SLC4A10: variants seen among roughly 807,000 people sequenced by gnomAD.
SLC4A10 encodes the protein sodium-driven chloride bicarbonate exchanger.
In SLC4A10, 42 loss-of-function variants were observed where a neutral mutation model predicts 137.7. The observed-to-expected ratio is 0.30, with a 90% CI of 0.24 to 0.39. The LOEUF is 0.39. SLC4A10 is among the 10% of genes least tolerant of loss of function. SLC4A10 has a pLI of 1.00. For missense variants in SLC4A10, 925 were observed against 1,355.0 expected (o/e 0.68, Z 4.98); for synonymous variants, 474 against 464.1 (o/e 1.02, Z -0.27).
Position 161,657,898 on chromosome 2 carries a change from T to C in SLC4A10, c.48+33332T>C, listed in dbSNP as rs546017259. Among the ~76,000 whole-genome samples, 18 of 152,278 alleles carry C rather than the reference T, an allele frequency of 1.2e-4. No individual in the cohort carries two copies. In the East Asian group the frequency reaches 3.3e-3, roughly 28 times the overall value. On this transcript the variant is annotated intron_variant, in intron 1 of 26. Coordinates refer to ENST00000446997, the MANE Select transcript of SLC4A10 (RefSeq NM_001178015.2). Reference sequence around the variant, plus strand: ...AGTTAAATTACAACATACCAAATTATAATAGACCAATATGCAATTATAATT... The same window carrying C: ...AGTTAAATTACAACATACCAAATTACAATAGACCAATATGCAATTATAATT...
chr2:161,707,576 C>T (rs1243918591), intron 1 of SLC4A10, among the ~76,000 whole-genome samples: 6 of 150,678 alleles, frequency 4.0e-5, no homozygotes, highest in Non-Finnish European at 7.4e-5. Flanking sequence ...TATATTAGAA[C>T]ACTTTATCAA....
intron 4 of SLC4A10, among the ~76,000 whole-genome samples, chr2:161,843,845 G>A (rs2059336940): frequency 1.3e-5 from 2 of 152,034 alleles, no homozygotes; most frequent in Admixed American, 1.3e-4. Context: ...CACCTGTCAC[G>A]TATCACATCT....
intron 1 of SLC4A10, among the ~76,000 whole-genome samples, chr2:161,696,925 G>C (rs1409146688): frequency 1.3e-5 from 2 of 152,150 alleles, no homozygotes; most frequent in African/African-American, 4.8e-5. Flanking sequence ...TCCACCAACA[G>C]TGTAAAAGTG....
chr2:161,826,508 T>C (rs2058029743), intron 3 of SLC4A10, among the ~76,000 whole-genome samples: 1 of 152,188 alleles, frequency 6.6e-6, no homozygotes, highest in Admixed American at 6.5e-5. Context: ...AGAAAGTGTC[T>C]AAAAAATAGA....
At chr2:161,872,994 G>A (rs1361433122) in intron 7 of SLC4A10, among the ~76,000 whole-genome samples, 10 of 152,144 alleles carry the variant, frequency 6.6e-5, no homozygotes, top group Non-Finnish European at 1.2e-4. Flanking sequence ...GATTACAGGC[G>A]TGAGCCACCC....
At chr2:161,891,815 T>C (rs1250685497) in intron 10 of SLC4A10, among the ~76,000 whole-genome samples, 1 of 152,032 alleles carries the variant, frequency 6.6e-6, no homozygotes, top group East Asian at 1.9e-4. Flanking sequence ...TCAAACTCAT[T>C]CTCCATCCAG....
chr2:161,793,174 A>G (rs111320354), intron 2 of SLC4A10, among the ~76,000 whole-genome samples: 15 of 152,148 alleles, frequency 9.9e-5, no homozygotes, highest in Admixed American at 5.2e-4. Flanking sequence ...ATTGACAGAT[A>G]AAATTGTATG....
intron 10 of SLC4A10, among the ~76,000 whole-genome samples, chr2:161,885,104 G>T (rs1044478220): frequency 1.1e-4 from 16 of 152,110 alleles, no homozygotes. Context: ...CTTGAACCTG[G>T]GAAGTGGAGA....
At chr2:161,811,818 A>G (rs1477069728) in intron 3 of SLC4A10, among the ~76,000 whole-genome samples, 1 of 152,090 alleles carries the variant, frequency 6.6e-6, no homozygotes, top group East Asian at 1.9e-4. Context: ...TTTATTTTCT[A>G]TTCCCTCTCA....
chr2:161,873,505 T>C (rs2061264961), intron 7 of SLC4A10, among the ~76,000 whole-genome samples: 1 of 114,238 alleles, frequency 8.8e-6, no homozygotes, highest in African/African-American at 3.5e-5. Flanking sequence ...CACTCCAGCC[T>C]GGGTGACAGA....
intron 1 of SLC4A10, among the ~76,000 whole-genome samples, chr2:161,635,116 G>A (rs551347483): frequency 3.3e-5 from 5 of 152,138 alleles, no homozygotes; most frequent in East Asian, 1.9e-4. Flanking sequence ...CCATGTCAAT[G>A]CAGTCTCTCT....
Position 161,658,731 on chromosome 2 carries a change from C to T in SLC4A10, c.48+34165C>T, listed in dbSNP as rs969941396. 2.0e-5 allele frequency among the ~76,000 whole-genome samples: 3 copies of T among 151,062 alleles called. No individual in the cohort carries two copies. The East Asian group carries it at 5.9e-4, about 30-fold the overall frequency. ...TCGGCCTCCCAGGTAACTGGGGTTA[C>T]AGGTGCATGCCACCATGCCCAGCTA... On this transcript the variant is annotated intron_variant, in intron 1 of 26. Transcript: ENST00000446997.
At chr2:161,658,879 C>T (rs563212311) in intron 1 of SLC4A10, among the ~76,000 whole-genome samples, 9 of 152,194 alleles carry the variant, frequency 5.9e-5, no homozygotes, top group South Asian at 2.1e-4. Flanking sequence ...GCATGAGCCA[C>T]CGAGCCTGGC....
chr2:161,746,836 A>T (rs1488276266), intron 1 of SLC4A10, among the ~76,000 whole-genome samples: 1 of 152,102 alleles, frequency 6.6e-6, no homozygotes, highest in South Asian at 2.1e-4. Context: ...TTTCAGGGCA[A>T]TGGGTTTCCT....
At chr2:161,780,063 G>A (rs546428918) in intron 2 of SLC4A10, among the ~76,000 whole-genome samples, 1 of 151,970 alleles carries the variant, frequency 6.6e-6, no homozygotes, top group Admixed American at 6.6e-5. Context: ...TACTGCAAAC[G>A]ACATTTTATT....
chr2:161,674,822 T>C (rs921163925), intron 1 of SLC4A10, among the ~76,000 whole-genome samples: 5 of 152,192 alleles, frequency 3.3e-5, no homozygotes, highest in African/African-American at 1.2e-4. Context: ...CAGAAATGAC[T>C]TCTGCTATTA....
At chr2:161,815,981 A>G (rs766025786) in intron 3 of SLC4A10, among the ~76,000 whole-genome samples, 1 of 152,132 alleles carries the variant, frequency 6.6e-6, no homozygotes, top group Non-Finnish European at 1.5e-5. Context: ...GTTTCTAAGC[A>G]ATGGAATTTT....
At chr2:161,983,087 T>A in intron 26 of SLC4A10, 92 bp from the exon 27 acceptor site, 1 of 1,141,042 alleles carries the variant, frequency 8.8e-7, no homozygotes, top group African/African-American at 1.5e-5. Context: ...TGTGGTGCTT[T>A]GGGGTTGACG....
intron 1 of SLC4A10, among the ~76,000 whole-genome samples, chr2:161,728,324 C>T (rs2046440389): frequency 6.6e-6 from 1 of 152,128 alleles, no homozygotes; most frequent in Admixed American, 6.5e-5. Context: ...CCTGTAATCC[C>T]AACATTTTGG....
Sources: allele counts gnomAD v4.1 joint callset (sites outside exome capture counted in the v4.1 genomes callset), GRCh38; gene constraint gnomAD v4.1.1; transcripts MANE v1.5; gene names NCBI Gene and HGNC (gene_info 2026-07-23, HGNC 2026-07-21).